Variants in DTNA observed in about 807,000 individuals in gnomAD.
DTNA encodes the protein dystrobrevin alpha.
A neutral mutation model predicts 100.7 loss-of-function variants in DTNA; 43 were observed. The observed-to-expected ratio is 0.43, with a 90% CI of 0.33 to 0.55. The LOEUF is 0.55. Ranked by LOEUF, DTNA falls within the 20% of genes least tolerant of loss-of-function variation. DTNA has a pLI of 0.04. For synonymous variants in DTNA, 349 were observed against 347.9 expected (o/e 1.00, Z -0.04); for missense variants, 798 against 953.9 (o/e 0.84, Z 2.15).
At chr18:34,818,953 G>A (rs1201639841) in intron 8 of DTNA, among the ~76,000 whole-genome samples, 3 of 152,162 alleles carry the variant, frequency 2.0e-5, no homozygotes, top group East Asian at 3.9e-4. Flanking sequence ...GTGGTACCAG[G>A]TCTGTGGGAG....
At chr18:34,559,787 T>C (rs955639533) in intron 1 of DTNA, among the ~76,000 whole-genome samples, 1 of 152,214 alleles carries the variant, frequency 6.6e-6, no homozygotes, top group Non-Finnish European at 1.5e-5. Flanking sequence ...CTAGACTTCC[T>C]TTTACTCTTA....
intron 1 of DTNA, chr18:34,683,477 C>G (rs1400380849): frequency 6.6e-6 from 1 of 152,118 alleles, no homozygotes; most frequent in African/African-American, 2.4e-5. Flanking sequence ...TCAATCTTTT[C>G]TCAGAGGTCA....
At chr18:34,834,233 C>G (rs1036528187) in intron 11 of DTNA, among the ~76,000 whole-genome samples, 8 of 151,926 alleles carry the variant, frequency 5.3e-5, no homozygotes, top group African/African-American at 1.9e-4. Flanking sequence ...CGGTGGCTCA[C>G]GCTTGTAATT....
chr18:34,848,297 A>T lies in DTNA; in HGVS notation c.1348A>T (p.Met450Leu). 1 of 1,613,990 alleles carries T rather than the reference A, an allele frequency of 6.2e-7. No homozygotes were observed. Among genetic ancestry groups the T allele is most frequent in the Non-Finnish European group, 8.5e-7 (1 of 1,179,902 alleles). The change falls in exon 14 of 23, where the codon ATG becomes TTG. Residue 450 changes from methionine to leucine, a missense_variant and splice_region_variant. Transcript: ENST00000444659. ...VNMLRNNPSCMLESSNRLDEE... is the reference protein window; with the variant it reads ...VNMLRNNPSCLLESSNRLDEE... ...TCCTTCTTGCTTTGTTCTTAATAGC[A>T]TGCTTGAGAGTTCAAACCGGCTTGA...
At chr18:34,771,114 CT>C (rs2093744271) in intron 3 of DTNA, among the ~76,000 whole-genome samples, 1 of 152,102 alleles carries the variant, frequency 6.6e-6, no homozygotes, top group Non-Finnish European at 1.5e-5. Context: ...TGTGTAAATT[CT>C]TTTTCTCTCT....
intron 1 of DTNA, among the ~76,000 whole-genome samples, chr18:34,673,716 A>G (rs1054959082): frequency 6.6e-6 from 1 of 152,108 alleles, no homozygotes; most frequent in African/African-American, 2.4e-5. Flanking sequence ...AAAATTCTAC[A>G]TTCATTGCTG....
At chr18:34,744,354 G>A (rs929288731) in intron 1 of DTNA, among the ~76,000 whole-genome samples, 7 of 152,116 alleles carry the variant, frequency 4.6e-5, no homozygotes, top group Non-Finnish European at 7.4e-5. Context: ...GTGATATAAA[G>A]CACCATGCCA....
At chr18:34,879,515 C>T (rs369889216) in intron 19 of DTNA, 36 bp from the exon 20 acceptor site, 49 of 1,610,458 alleles carry the variant, frequency 3.0e-5, no homozygotes, top group Middle Eastern at 1.7e-4. Context: ...AAAAATCTAA[C>T]GAGTCATTCT....
chr18:34,745,714 A>G (rs1346531378), intron 1 of DTNA, among the ~76,000 whole-genome samples: 1 of 152,154 alleles, frequency 6.6e-6, no homozygotes, highest in Non-Finnish European at 1.5e-5. Context: ...GTCCACTGTA[A>G]TTGGCTGCTG....
intron 1 of DTNA, among the ~76,000 whole-genome samples, chr18:34,559,346 G>A (rs28395362): frequency 1.3e-3 from 200 of 152,220 alleles, no homozygotes; most frequent in African/African-American, 4.6e-3. Flanking sequence ...TGGATAAGTG[G>A]GGGGAAAAAT....
At chr18:34,637,405 T>C (rs1332803460) in intron 1 of DTNA, among the ~76,000 whole-genome samples, 2 of 152,152 alleles carry the variant, frequency 1.3e-5, no homozygotes, top group Non-Finnish European at 2.9e-5. Flanking sequence ...ATGGGAAAAA[T>C]ATATCTATTT....
intron 3 of DTNA, chr18:34,767,710 T>G (rs1175487506): frequency 1.3e-5 from 2 of 148,296 alleles, no homozygotes; most frequent in Non-Finnish European, 3.0e-5. Context: ...ACCTCACTCC[T>G]GTGATTACTC....
At chr18:34,714,465 C>CA (rs1416933003) in intron 1 of DTNA, among the ~76,000 whole-genome samples, 2 of 148,928 alleles carry the variant, frequency 1.3e-5, no homozygotes, top group Non-Finnish European at 3.0e-5. Context: ...TTTATGCAGC[C>CA]AAAAAACACA....
chr18:34,759,986 G>A (rs1178457190), intron 2 of DTNA: 1 of 152,142 alleles, frequency 6.6e-6, no homozygotes, highest in Non-Finnish European at 1.5e-5. Flanking sequence ...CCCGGCCTAA[G>A]TACTGTTGAA....
At chr18:34,500,441 G>T (rs2039773198) in intron 1 of DTNA, among the ~76,000 whole-genome samples, 1 of 150,010 alleles carries the variant, frequency 6.7e-6, no homozygotes, top group South Asian at 2.1e-4. Flanking sequence ...GTGTGTGTAT[G>T]TGTGTGTGTA....
At chr18:34,743,826 G>A (rs1360857960) in intron 1 of DTNA, among the ~76,000 whole-genome samples, 1 of 152,066 alleles carries the variant, frequency 6.6e-6, no homozygotes, top group African/African-American at 2.4e-5. Flanking sequence ...GTGCTCTTAA[G>A]TTTTGCTATT....
intron 1 of DTNA, among the ~76,000 whole-genome samples, chr18:34,518,882 A>G (rs1340730350): frequency 6.6e-6 from 1 of 152,070 alleles, no homozygotes; most frequent in Non-Finnish European, 1.5e-5. Flanking sequence ...ATTAAAATAT[A>G]GAATAATGCA....
rs1163282303 is a variant in DTNA at position 34,848,366 on chromosome 18, G to A, written c.1417G>A (p.Ala473Thr). Residue 473 changes from alanine (A) to threonine (T), a missense_variant, in exon 14 of 23, where the codon GCA becomes ACA. Coordinates refer to ENST00000444659, the MANE Select transcript of DTNA (RefSeq NM_001386795.1). ...LIARYAARLA[A>T]ESSSSQPPQQ... is the part of the protein sequence containing the mutation. ...TGCCAGGTATGCGGCAAGGCTGGCAGCAGAGTCCTCTTCGTCTGTAAGTAG... is the reference window on the plus strand; with the variant it reads ...TGCCAGGTATGCGGCAAGGCTGGCAACAGAGTCCTCTTCGTCTGTAAGTAG... 1.2e-6 allele frequency: 2 copies of A among 1,613,910 alleles called. No homozygotes were observed. The highest frequency in any genetic ancestry group is 1.1e-5 in the South Asian group (1 of 91,078).
chr18:34,793,911 T>C (rs1602136074), intron 3 of DTNA, 126 bp from the exon 4 acceptor site: 1 of 935,688 alleles, frequency 1.1e-6, no homozygotes, highest in East Asian at 2.6e-5. Context: ...TTTACTTATG[T>C]TGACCCCCTG....
Sources: gnomAD v4.1 joint callset for allele counts (sites outside exome capture counted in the v4.1 genomes callset) on GRCh38, gnomAD v4.1.1 for gene constraint, MANE v1.5 for transcripts, NCBI Gene and HGNC (gene_info 2026-07-23, HGNC 2026-07-21) for gene names.